The following EFHC1 variants were observed in gnomAD, a reference collection of about 807,000 sequenced individuals.
EFHC1 encodes EF-hand domain-containing protein 1.
A neutral mutation model predicts 69.9 loss-of-function variants in EFHC1; 53 were observed. The ratio of observed to expected loss-of-function variants is 0.76; its 90% CI spans 0.61 to 0.95. EFHC1 has a LOEUF of 0.95. Among genes scored for constraint, EFHC1 ranks in the 40% least tolerant of loss-of-function variants. EFHC1 has a pLI of 0.00. For synonymous variants in EFHC1, 256 were observed against 278.4 expected (o/e 0.92, Z 0.80); for missense variants, 739 against 798.7 (o/e 0.93, Z 0.90).
In EFHC1 at chr6:52,490,338, C is replaced by G. The variant is rs766028677; in HGVS notation, c.1839C>G (p.Ser613=). The change falls in exon 10 of 11, where the codon TCC becomes TCG. Residue 613 remains serine (S), a synonymous_variant. Coordinates refer to ENST00000371068, the MANE Select transcript of EFHC1 (RefSeq NM_018100.4). ...CESLNVPVDD[S]LVKELIRMCS... is the part of the protein sequence containing the mutation. ...CGCTTAACGTCCCAGTGGATGACTC[C>G]TTGGTTAAGGAGGTCAGTATGAATT... 6.2e-7 allele frequency: 1 copy of G among 1,613,952 alleles called. No homozygotes were observed. The highest frequency in any genetic ancestry group is 8.5e-7 in the Non-Finnish European group (1 of 1,179,878).
chr6:52,475,027 T>A (rs1263717422), intron 7 of EFHC1, among the ~76,000 whole-genome samples: 1 of 151,598 alleles, frequency 6.6e-6, no homozygotes, highest in Non-Finnish European at 1.5e-5. Context: ...TTTTGCAGTT[T>A]TCTCTCTGTG....
rs1483873383 is a variant in EFHC1 at position 52,494,643 on chromosome 6, C to T, written c.*2302C>T. On this transcript the variant is annotated 3_prime_UTR_variant, in exon 11 of 11. Coordinates refer to ENST00000371068, the MANE Select transcript of EFHC1 (RefSeq NM_018100.4). ...GGTTTGTTACATGAGTATATTGCAC[C>T]CAGGTAGTGAGCATAGTGCCCAGTA... 1 of 453,988 alleles carries T rather than the reference C, an allele frequency of 2.2e-6. No individual in the cohort carries two copies. Among genetic ancestry groups the T allele is most frequent in the African/African-American group, 2.0e-5 (1 of 50,074 alleles). 28.1% of individuals were successfully genotyped at this position (453,988 alleles called of 1,614,324 possible). A position where few individuals can be genotyped will look rare whatever the true frequency, so the allele number is the denominator to read the frequency against.
rs746353288 is a variant in EFHC1, at chr6:52,495,834, A to T, written c.*3493A>T. ...GCATCTCCTTTTAAGTTTACTTAAG[A>T]CTGAGAAGCTGAGATCTGACAGCAC... On this transcript the variant is annotated 3_prime_UTR_variant, in exon 11 of 11. Coordinates refer to ENST00000371068, the MANE Select transcript of EFHC1 (RefSeq NM_018100.4). The T allele has an allele frequency of 1.4e-5, 5 of 348,018 alleles. No homozygotes were observed. The Admixed American group carries it at 1.5e-4, about 11-fold the overall frequency. 21.6% of individuals were successfully genotyped at this position (348,018 alleles called of 1,614,324 possible).
chr6:52,469,404 A>G lies in EFHC1; in HGVS notation c.1209A>G (p.Lys403=), dbSNP rs1765385322. 6.2e-7 allele frequency: 1 copy of G among 1,613,954 alleles called. No individual in the cohort carries two copies. The highest frequency in any genetic ancestry group is 8.5e-7 in the Non-Finnish European group (1 of 1,179,976). The change falls in exon 7 of 11, where the codon AAA becomes AAG. Residue 403 remains lysine, a synonymous_variant. Coordinates refer to ENST00000371068, the MANE Select transcript of EFHC1 (RefSeq NM_018100.4). ...AGAATTGTTTTGCTCTCATTCCAAA[A>G]GCTCCAAAAAAAGACGTTATTAAAA... ...SAQNCFALIP[K]APKKDVIKML... is the part of the protein sequence containing the mutation.
intron 7 of EFHC1, among the ~76,000 whole-genome samples, chr6:52,472,470 T>G (rs1309858985): frequency 6.6e-6 from 1 of 152,126 alleles, no homozygotes; most frequent in Admixed American, 6.5e-5. Context: ...CCTTCTACAT[T>G]AGGGAAGTCA....
chr6:52,443,645 A>G (rs944665624), intron 3 of EFHC1, among the ~76,000 whole-genome samples: 2 of 152,062 alleles, frequency 1.3e-5, no homozygotes, highest in Non-Finnish European at 2.9e-5. Context: ...CCATTGGTCT[A>G]TATCTCTGTT....
chr6:52,465,667 T>C (rs1328233486), intron 6 of EFHC1, among the ~76,000 whole-genome samples: 1 of 151,078 alleles, frequency 6.6e-6, no homozygotes, highest in East Asian at 1.9e-4. Flanking sequence ...ATTAGCCGAG[T>C]GTAGTGGTGC....
chr6:52,484,761 A>G (rs1011329626), intron 9 of EFHC1, among the ~76,000 whole-genome samples: 4 of 152,158 alleles, frequency 2.6e-5, no homozygotes, highest in Non-Finnish European at 5.9e-5. Flanking sequence ...ATGTGGGTTC[A>G]GATTCTGGTA....
chr6:52,490,400 C>T lies in EFHC1; in HGVS notation c.1851+50C>T, dbSNP rs1030379683. On this transcript the variant is annotated intron_variant, in intron 10 of 10. Coordinates refer to ENST00000371068, the MANE Select transcript of EFHC1 (RefSeq NM_018100.4). The stretch of plus-strand genomic sequence containing the variant: ...TTCATTGCAGAGGCTAGGCACTGAT[C>T]ATTCTTTTCTAAAGGCAATTGTGTG... 3.9e-6 allele frequency: 6 copies of T among 1,526,538 alleles called. No individual in the cohort carries two copies. The African/African-American group carries it at 8.2e-5, about 21-fold the overall frequency. 94.6% of individuals were successfully genotyped at this position (1,526,538 alleles called of 1,614,324 possible).
chr6:52,489,159 G>A (rs1005564120), intron 9 of EFHC1: 1 of 152,120 alleles, frequency 6.6e-6, no homozygotes, highest in Non-Finnish European at 1.5e-5. Context: ...AATATTATAC[G>A]CAAGAAAAGT....
Position 52,497,177 on chromosome 6 carries a change from C to T in EFHC1, c.*4836C>T, listed in dbSNP as rs1198851682. 1 of 152,158 alleles carries T rather than the reference C, an allele frequency of 6.6e-6. No individual in the cohort carries two copies. The highest frequency in any genetic ancestry group is 1.5e-5 in the Non-Finnish European group (1 of 68,034). The allele number at this position is 152,158 out of a possible 1,614,324, so 9.4% of individuals were successfully genotyped here. A position where few individuals can be genotyped will look rare whatever the true frequency, so the allele number is the denominator to read the frequency against. On this transcript the variant is annotated 3_prime_UTR_variant, in exon 11 of 11. Coordinates refer to ENST00000371068, the MANE Select transcript of EFHC1 (RefSeq NM_018100.4). Reference sequence around the variant, plus strand: ...ATTAAAGAGTCAAATAAAAATGATGCTTATTGCTATCCAGCACTTGACATA... The same window carrying T: ...ATTAAAGAGTCAAATAAAAATGATGTTTATTGCTATCCAGCACTTGACATA...
chr6:52,441,721 C>T (rs180770640), intron 3 of EFHC1, among the ~76,000 whole-genome samples: 87 of 152,206 alleles, frequency 5.7e-4, no homozygotes, highest in African/African-American at 1.9e-3. Context: ...ATTGATTTTT[C>T]GTATCCATGA....
At chr6:52,430,319 C>T (rs2022307) in intron 2 of EFHC1, 28,812 of 152,316 alleles carry the variant, frequency 0.19, 3,146 homozygotes, top group Admixed American at 0.33. Flanking sequence ...CAACTTTTCC[C>T]CATTCAGCAT....
intron 6 of EFHC1, among the ~76,000 whole-genome samples, chr6:52,466,917 TTGATTAA>T (rs1443640654): frequency 6.6e-6 from 1 of 152,182 alleles, no homozygotes; most frequent in Non-Finnish European, 1.5e-5. Flanking sequence ...GATGTGTTCA[TTGATTAA>T]GAACAATGAT....
intron 3 of EFHC1, among the ~76,000 whole-genome samples, chr6:52,450,407 A>G (rs543556456): frequency 3.6e-4 from 55 of 152,326 alleles, no homozygotes; most frequent in Admixed American, 3.5e-3. Flanking sequence ...GGGAAGTTTT[A>G]AAGTCTCCCA....
At position 52,450,445 on chromosome 6, in the gene EFHC1, A is replaced by G. The variant is rs150552877; in HGVS notation, c.574-2243A>G. ...GCTGTTGTATGGGAGTCCAAGTCTCATTGTAGATATCTAAGAACTTGCTTT... is the reference window on the plus strand; with the variant it reads ...GCTGTTGTATGGGAGTCCAAGTCTCGTTGTAGATATCTAAGAACTTGCTTT... On this transcript the variant is annotated intron_variant, in intron 3 of 10. Coordinates refer to ENST00000371068, the MANE Select transcript of EFHC1 (RefSeq NM_018100.4). 7.9e-4 allele frequency among the ~76,000 whole-genome samples: 120 copies of G among 152,276 alleles called. 1 individual carries two copies. Among genetic ancestry groups the G allele is most frequent in the African/African-American group, 2.6e-3 (109 of 41,558 alleles).
chr6:52,454,083 G>A lies in EFHC1; in HGVS notation c.724-12G>A. The A allele has an allele frequency of 1.2e-6, 2 of 1,612,414 alleles. No individual in the cohort carries two copies. The highest frequency in any genetic ancestry group is 2.0e-4 in the Middle Eastern group (1 of 5,000). ...TTAGGATTCTTGAGTCACTACTTTG[G>A]ATTCTTCAAAGGTCCTTCGATTCTA... On this transcript the variant is annotated splice_polypyrimidine_tract_variant and intron_variant, in intron 4 of 10. Transcript: ENST00000371068.
chr6:52,481,286 G>A (rs983488957), intron 9 of EFHC1, among the ~76,000 whole-genome samples: 8 of 152,136 alleles, frequency 5.3e-5, no homozygotes, highest in African/African-American at 1.9e-4. Flanking sequence ...CCTGAGATGG[G>A]GAAGATGCGG....
At position 52,493,819 on chromosome 6, in the gene EFHC1, C is replaced by G. The variant is rs1440279300; in HGVS notation, c.*1478C>G. ...GCCACTAAGTTCATCTTTAAACATG[C>G]TATCTCAAATTCCCCGAAGCCACCC... On this transcript the variant is annotated 3_prime_UTR_variant, in exon 11 of 11. Transcript: ENST00000371068. 2.2e-6 allele frequency: 1 copy of G among 453,956 alleles called. No individual in the cohort carries two copies. The allele number at this position is 453,956 out of a possible 1,614,324, so 28.1% of individuals were successfully genotyped here. A position where few individuals can be genotyped will look rare whatever the true frequency, so the allele number is the denominator to read the frequency against.
Sources: allele counts gnomAD v4.1 joint callset (sites outside exome capture counted in the v4.1 genomes callset), GRCh38; gene constraint gnomAD v4.1.1; transcripts MANE v1.5; gene names NCBI Gene and HGNC (gene_info 2026-07-23, HGNC 2026-07-21).